Variants in ATP6V0E1 observed in about 807,000 individuals in gnomAD.
ATP6V0E1 encodes the protein ATPase H+ transporting V0 subunit e1, also known as V-type proton ATPase subunit e 1.
A neutral mutation model predicts 11.6 loss-of-function variants in ATP6V0E1; 4 were observed. The ratio of observed to expected loss-of-function variants is 0.35; its 90% CI spans 0.17 to 0.79. The LOEUF (loss-of-function observed/expected upper bound fraction) is 0.79, where lower values mean the gene tolerates loss of function less well. Among genes scored for constraint, ATP6V0E1 ranks in the 30% least tolerant of loss-of-function variants. The pLI, the probability that ATP6V0E1 is intolerant of heterozygous loss-of-function variation, is 0.54. For synonymous variants in ATP6V0E1, 36 were observed against 34.8 expected, an observed-to-expected ratio of 1.04 and a Z score of -0.13; for missense variants, 105 against 100.0, an observed-to-expected ratio of 1.05 and a Z score of -0.21.
chr5:173,000,566 G>A (rs1035919877), intron 2 of ATP6V0E1, among the ~76,000 whole-genome samples: 1 of 152,078 alleles, frequency 6.6e-6, no homozygotes, highest in Admixed American at 6.6e-5. Context: ...TAAGAATCAC[G>A]AGACCTAGGT....
intron 2 of ATP6V0E1, among the ~76,000 whole-genome samples, chr5:172,995,938 C>T (rs1343372008): frequency 6.6e-6 from 1 of 152,130 alleles, no homozygotes; most frequent in Non-Finnish European, 1.5e-5. Context: ...GAGTTTAGAA[C>T]CAGTGATTCT....
At chr5:173,009,054 C>T (rs1379269582) in intron 2 of ATP6V0E1, among the ~76,000 whole-genome samples, 1 of 149,122 alleles carries the variant, frequency 6.7e-6, no homozygotes, top group South Asian at 2.1e-4. Flanking sequence ...GGTGAAACCT[C>T]GTCTCTAATA....
At chr5:172,991,935 A>C (rs1209253337) in intron 1 of ATP6V0E1, among the ~76,000 whole-genome samples, 1 of 151,994 alleles carries the variant, frequency 6.6e-6, no homozygotes, top group Non-Finnish European at 1.5e-5. Flanking sequence ...TCCTCTCCTC[A>C]AATCCCTCCA....
chr5:173,009,112 G>C (rs987732230), intron 2 of ATP6V0E1, among the ~76,000 whole-genome samples: 2 of 151,672 alleles, frequency 1.3e-5, no homozygotes, highest in African/African-American at 4.8e-5. Flanking sequence ...TGTAATCCCA[G>C]CTACTCGGGA....
intron 1 of ATP6V0E1, among the ~76,000 whole-genome samples, chr5:172,992,044 T>C (rs927795985): frequency 6.6e-6 from 1 of 151,286 alleles, no homozygotes; most frequent in Non-Finnish European, 1.5e-5. Flanking sequence ...CTCTCTCTTT[T>C]CTTTCTTTCT....
chr5:173,009,552 C>T (rs1756284957), intron 2 of ATP6V0E1, among the ~76,000 whole-genome samples: 1 of 149,316 alleles, frequency 6.7e-6, no homozygotes. Flanking sequence ...GCAACCTCTG[C>T]CTCCCATGTT....
intron 3 of ATP6V0E1, among the ~76,000 whole-genome samples, chr5:173,029,943 G>A (rs1405155039): frequency 1.3e-5 from 2 of 152,070 alleles, no homozygotes; most frequent in Admixed American, 1.3e-4. Flanking sequence ...GACCTCATTA[G>A]CTTTACTTGG....
chr5:172,993,583 G>C (rs1756015883), intron 1 of ATP6V0E1, among the ~76,000 whole-genome samples: 1 of 151,196 alleles, frequency 6.6e-6, no homozygotes. Flanking sequence ...GGCCAGGTGT[G>C]GTGGCTCACA....
At chr5:172,989,536 T>G (rs1755947849) in intron 1 of ATP6V0E1, among the ~76,000 whole-genome samples, 1 of 152,092 alleles carries the variant, frequency 6.6e-6, no homozygotes, top group African/African-American at 2.4e-5. Context: ...GAAGATTTTT[T>G]TTTTTTTTGA....
rs1231590954 is a variant in ATP6V0E1 at position 173,034,561 on chromosome 5, G to T, written c.*199G>T. 1.5e-6 allele frequency: 1 copy of T among 668,868 alleles called. No homozygotes were observed. Among genetic ancestry groups the T allele is most frequent in the Non-Finnish European group, 2.8e-6 (1 of 362,406 alleles). 41.4% of individuals were successfully genotyped at this position (668,868 alleles called of 1,614,324 possible). ...TTTCCTTTGCCTTTTTTGCACTTTG[G>T]TGAATTACGTGCCTCCATAACCTGA... On this transcript the variant is annotated 3_prime_UTR_variant, in exon 4 of 4. Transcript: ENST00000519374.
chr5:173,016,167 C>T (rs981387748), intron 2 of ATP6V0E1, among the ~76,000 whole-genome samples: 2 of 152,214 alleles, frequency 1.3e-5, no homozygotes, highest in African/African-American at 4.8e-5. Context: ...CAACCTGGGG[C>T]TTGCGATTGG....
chr5:173,033,010 T>C (rs1756688766), intron 3 of ATP6V0E1, among the ~76,000 whole-genome samples: 1 of 152,124 alleles, frequency 6.6e-6, no homozygotes, highest in Non-Finnish European at 1.5e-5. Flanking sequence ...GCAGGAAGAT[T>C]GCTTGAGTCC....
chr5:173,013,633 A>AGTCC (rs1272695855), intron 2 of ATP6V0E1, among the ~76,000 whole-genome samples: 7 of 151,874 alleles, frequency 4.6e-5, no homozygotes, highest in African/African-American at 1.7e-4. Context: ...TTTGCAAACT[A>AGTCC]CCCAACTGAC....
intron 1 of ATP6V0E1, among the ~76,000 whole-genome samples, chr5:172,988,998 T>C (rs1299790152): frequency 6.6e-6 from 1 of 152,152 alleles, no homozygotes; most frequent in Non-Finnish European, 1.5e-5. Flanking sequence ...TGTGGTGAAT[T>C]TTTAATACAG....
intron 2 of ATP6V0E1, among the ~76,000 whole-genome samples, chr5:173,016,938 C>T (rs1370289668): frequency 1.3e-5 from 2 of 152,196 alleles, no homozygotes; most frequent in Non-Finnish European, 2.9e-5. Context: ...CTTGAACTAT[C>T]TGTTTTGGCC....
At chr5:172,992,085 C>G (rs1003493550) in intron 1 of ATP6V0E1, among the ~76,000 whole-genome samples, 2 of 151,928 alleles carry the variant, frequency 1.3e-5, no homozygotes, top group Non-Finnish European at 2.9e-5. Flanking sequence ...GAGTCTCGCT[C>G]TGTCGCCCAG....
At chr5:173,011,841 A>G (rs1487901727) in intron 2 of ATP6V0E1, among the ~76,000 whole-genome samples, 1 of 152,164 alleles carries the variant, frequency 6.6e-6, no homozygotes, top group African/African-American at 2.4e-5. Flanking sequence ...TCATTGGAAT[A>G]TGATCTCTTC....
intron 3 of ATP6V0E1, among the ~76,000 whole-genome samples, chr5:173,031,751 A>G (rs1042732402): frequency 2.0e-5 from 3 of 148,084 alleles, no homozygotes; most frequent in Non-Finnish European, 4.4e-5. Flanking sequence ...CCTGGGAGGC[A>G]GGGCTTGCAG....
chr5:173,003,535 C>T (rs980289090), intron 2 of ATP6V0E1, among the ~76,000 whole-genome samples: 8 of 151,994 alleles, frequency 5.3e-5, no homozygotes, highest in South Asian at 4.1e-4. Context: ...GACTGTTTGG[C>T]GGGGAGAATG....
Sources: gnomAD v4.1 joint callset for allele counts (sites outside exome capture counted in the v4.1 genomes callset) on GRCh38, gnomAD v4.1.1 for gene constraint, MANE v1.5 for transcripts, NCBI Gene and HGNC (gene_info 2026-07-23, HGNC 2026-07-21) for gene names.